Variants in ITGA9 observed in about 807,000 individuals in gnomAD.
The protein encoded by ITGA9 is integrin subunit alpha 9, also known as integrin alpha-9.
A neutral mutation model predicts 127.8 loss-of-function variants in ITGA9; 56 were observed. The ratio of observed to expected loss-of-function variants is 0.44; its 90% confidence interval spans 0.35 to 0.55. The LOEUF (loss-of-function observed/expected upper bound fraction) is 0.55. ITGA9 is among the 20% of genes least tolerant of loss of function. The probability of loss-of-function intolerance (pLI) is 0.00; values close to 1 mark genes in which losing one functional copy is unlikely to be tolerated. For missense variants in ITGA9, 1,196 were observed against 1,347.1 expected, an observed-to-expected ratio of 0.89 and a Z score of 1.76; for synonymous variants, 508 against 514.5, an observed-to-expected ratio of 0.99 and a Z score of 0.17.
At position 37,819,168 on chromosome 3, in the gene ITGA9, C is replaced by T. The variant is rs991559004; in HGVS notation, c.*179C>T. The T allele has an allele frequency of 1.9e-5, 12 of 639,014 alleles. No individual in the cohort carries two copies. Among genetic ancestry groups the T allele is most frequent in the Non-Finnish European group, 2.8e-5 (10 of 353,364 alleles). The allele number at this position is 639,014 out of a possible 1,614,324, so 39.6% of individuals were successfully genotyped here. A position where few individuals can be genotyped will look rare whatever the true frequency, so the allele number is the denominator to read the frequency against. The stretch of plus-strand genomic sequence containing the variant: ...AGGCAGCCACTTCGGCCAGGTCACA[C>T]GACCGGGGCCAGCACCACTTCCTTT... On this transcript the variant is annotated 3_prime_UTR_variant, in exon 28 of 28. Coordinates refer to ENST00000264741, the MANE Select transcript of ITGA9 (RefSeq NM_002207.3).
chr3:37,462,851 G>C (rs531046752), intron 1 of ITGA9, among the ~76,000 whole-genome samples: 1 of 152,320 alleles, frequency 6.6e-6, no homozygotes, highest in South Asian at 2.1e-4. Context: ...TCACTGCCTT[G>C]GGAGGGGGAT....
intron 13 of ITGA9, among the ~76,000 whole-genome samples, chr3:37,531,871 G>A (rs992527669): frequency 2.6e-5 from 4 of 152,228 alleles, no homozygotes; most frequent in African/African-American, 9.6e-5. Context: ...ACCTTAGTAA[G>A]TGGGGGCCAG....
intron 4 of ITGA9, among the ~76,000 whole-genome samples, chr3:37,488,685 C>G (rs1324010264): frequency 6.6e-6 from 1 of 151,706 alleles, no homozygotes; most frequent in Non-Finnish European, 1.5e-5. Context: ...GTAATCCCAG[C>G]TACTTGGGAG....
chr3:37,781,587 A>G (rs1259231304), intron 25 of ITGA9, among the ~76,000 whole-genome samples: 4 of 152,208 alleles, frequency 2.6e-5, no homozygotes, highest in Non-Finnish European at 4.4e-5. Flanking sequence ...CAAATTTCCT[A>G]TGATTTATTT....
At chr3:37,511,706 T>C (rs1045849923) in intron 8 of ITGA9, among the ~76,000 whole-genome samples, 1 of 152,180 alleles carries the variant, frequency 6.6e-6, no homozygotes, top group African/African-American at 2.4e-5. Flanking sequence ...CGTTCTCCTT[T>C]GAGAATGGGT....
chr3:37,577,684 G>A (rs1050119916), intron 15 of ITGA9, among the ~76,000 whole-genome samples: 2 of 152,204 alleles, frequency 1.3e-5, no homozygotes, highest in African/African-American at 4.8e-5. Context: ...TTTTAATTAG[G>A]TTGTGGTACA....
rs1697480300 is a variant in ITGA9, at chr3:37,819,131, G to C, written c.*142G>C. The C allele has an allele frequency of 2.7e-6, 2 of 731,980 alleles. No individual in the cohort carries two copies. The highest frequency in any genetic ancestry group is 2.4e-6 in the Non-Finnish European group (1 of 411,648). 45.3% of individuals were successfully genotyped at this position (731,980 alleles called of 1,614,324 possible). ...TCTCTTCTTCATTCTATCAAGCCCA[G>C]GTGCCAGCCTGAGGCAGCCACTTCG... is the stretch of plus-strand genomic sequence containing the variant. On this transcript the variant is annotated 3_prime_UTR_variant, in exon 28 of 28. Transcript: ENST00000264741.
chr3:37,524,759 G>A (rs1699076448), intron 12 of ITGA9, among the ~76,000 whole-genome samples: 1 of 152,224 alleles, frequency 6.6e-6, no homozygotes, highest in Non-Finnish European at 1.5e-5. Flanking sequence ...AGAGCCTGCA[G>A]TGCACGGGGA....
chr3:37,523,495 C>T (rs1235752470), intron 11 of ITGA9, 26 bp from the exon 12 acceptor site: 11 of 1,571,510 alleles, frequency 7.0e-6, no homozygotes, highest in Non-Finnish European at 9.6e-6. Flanking sequence ...TTTCCTGTGA[C>T]TCCATTTCCC....
At position 37,533,258 on chromosome 3, in the gene ITGA9, G is replaced by T. The variant is rs72855844; in HGVS notation, c.1374-56G>T. 5 of 1,526,400 alleles carry T rather than the reference G, an allele frequency of 3.3e-6. No individual in the cohort carries two copies. In the African/African-American group the frequency reaches 6.8e-5, roughly 21 times the overall value. 94.6% of individuals were successfully genotyped at this position (1,526,400 alleles called of 1,614,324 possible). A position where few individuals can be genotyped will look rare whatever the true frequency, so the allele number is the denominator to read the frequency against. On this transcript the variant is annotated intron_variant, in intron 13 of 27. Transcript: ENST00000264741. ...TATCCTGTTGGTCTAGTTCTTGTTT[G>T]GTTCTGAGAGCTGCTCCTTACCACG...
intron 23 of ITGA9, among the ~76,000 whole-genome samples, chr3:37,774,542 A>AG (rs200221973): frequency 0.019 from 2,872 of 151,632 alleles, 101 homozygotes; most frequent in African/African-American, 0.065. Context: ...CAAAAAAAAA[A>AG]AAAAGAAACC....
intron 22 of ITGA9, among the ~76,000 whole-genome samples, chr3:37,747,702 C>T (rs116342709): frequency 0.019 from 2,825 of 146,216 alleles, 83 homozygotes; most frequent in African/African-American, 0.069. Context: ...TGGCTTATTT[C>T]TTTCCTTTTT....
intron 15 of ITGA9, among the ~76,000 whole-genome samples, chr3:37,596,454 A>G (rs1252809833): frequency 6.6e-6 from 1 of 152,188 alleles, no homozygotes; most frequent in African/African-American, 2.4e-5. Context: ...TTCTTCCTCC[A>G]GCCCAGAGAA....
chr3:37,534,748 G>A lies in ITGA9; in HGVS notation c.1528+1280G>A, dbSNP rs187470963. On this transcript the variant is annotated intron_variant, in intron 14 of 27. Transcript: ENST00000264741. ...ACTTGGGAACTGGTTAGTGAGGGAG[G>A]ATTAACAACATTTTCTTGTGCAGCT... Among the ~76,000 whole-genome samples, 48 of 152,278 alleles carry A rather than the reference G, an allele frequency of 3.2e-4. No homozygotes were observed. The Middle Eastern group carries it at 0.017, about 54-fold the overall frequency.
chr3:37,813,716 A>G (rs1004725504), intron 27 of ITGA9, among the ~76,000 whole-genome samples: 1 of 152,112 alleles, frequency 6.6e-6, no homozygotes, highest in African/African-American at 2.4e-5. Context: ...TCTGTTCTTG[A>G]TGAGGTAATC....
intron 23 of ITGA9, among the ~76,000 whole-genome samples, chr3:37,757,781 C>G (rs1696671762): frequency 6.6e-6 from 1 of 151,320 alleles, no homozygotes; most frequent in African/African-American, 2.4e-5. Flanking sequence ...AGACAAAGAC[C>G]TATATCTTAA....
chr3:37,755,825 T>A (rs1420463037), intron 23 of ITGA9, among the ~76,000 whole-genome samples: 1 of 152,056 alleles, frequency 6.6e-6, no homozygotes, highest in Admixed American at 6.6e-5. Flanking sequence ...GGGGACAAGT[T>A]TATGTACCAA....
chr3:37,638,099 G>A lies in ITGA9; in HGVS notation c.1839+8763G>A, dbSNP rs142459017. Among the ~76,000 whole-genome samples, 64 of 152,240 alleles carry A rather than the reference G, an allele frequency of 4.2e-4. No individual in the cohort carries two copies. The East Asian group carries it at 8.3e-3, about 20-fold the overall frequency. On this transcript the variant is annotated intron_variant, in intron 16 of 27. Coordinates refer to ENST00000264741, the MANE Select transcript of ITGA9 (RefSeq NM_002207.3). ...TTATGGAGGTGAAGGAGTGGGGATC[G>A]TTATGTGAGATAAATTCCTGTCTAT...
intron 15 of ITGA9, among the ~76,000 whole-genome samples, chr3:37,613,528 G>C (rs968010578): frequency 1.3e-5 from 2 of 152,180 alleles, no homozygotes; most frequent in African/African-American, 4.8e-5. Flanking sequence ...AGATCTGTGA[G>C]GAATCACCAC....
Sources: allele counts gnomAD v4.1 joint callset (sites outside exome capture counted in the v4.1 genomes callset), GRCh38; gene constraint gnomAD v4.1.1; transcripts MANE v1.5; gene names NCBI Gene and HGNC (gene_info 2026-07-23, HGNC 2026-07-21).